Variants in XKR4 observed in about 807,000 individuals in gnomAD.
XKR4 encodes XK-related protein 4.
In XKR4, 12 loss-of-function variants were observed where a neutral mutation model predicts 53.9. The observed-to-expected ratio is 0.22, with a 90% confidence interval of 0.14 to 0.36. The LOEUF (loss-of-function observed/expected upper bound fraction) is 0.36. Ranked by LOEUF, XKR4 falls within the 10% of genes least tolerant of loss-of-function variation. XKR4 has a pLI of 1.00. For synonymous variants in XKR4, 354 were observed against 362.4 expected, an observed-to-expected ratio of 0.98 and a Z score of 0.26; for missense variants, 799 against 859.5, an observed-to-expected ratio of 0.93 and a Z score of 0.88.
At chr8:55,418,538 G>A (rs1333393136) in intron 2 of XKR4, among the ~76,000 whole-genome samples, 1 of 152,078 alleles carries the variant, frequency 6.6e-6, no homozygotes, top group African/African-American at 2.4e-5. Flanking sequence ...CTTTGCTCAG[G>A]TCCTGGTAGC....
chr8:55,126,527 A>G (rs897179405), intron 1 of XKR4, among the ~76,000 whole-genome samples: 1 of 152,230 alleles, frequency 6.6e-6, no homozygotes, highest in African/African-American at 2.4e-5. Flanking sequence ...AGTGGATGCA[A>G]AAAATACAAT....
chr8:55,185,661 C>T (rs1278748576), intron 1 of XKR4, among the ~76,000 whole-genome samples: 1 of 152,204 alleles, frequency 6.6e-6, no homozygotes, highest in Non-Finnish European at 1.5e-5. Context: ...CTTGCCATCA[C>T]TTTCTATAGC....
At chr8:55,484,295 A>G (rs570155816) in intron 2 of XKR4, among the ~76,000 whole-genome samples, 1 of 152,358 alleles carries the variant, frequency 6.6e-6, no homozygotes, top group South Asian at 2.1e-4. Context: ...CAGAGCATAG[A>G]AAAGGAAGAA....
At chr8:55,234,509 A>T (rs1214423349) in intron 1 of XKR4, among the ~76,000 whole-genome samples, 1 of 152,210 alleles carries the variant, frequency 6.6e-6, no homozygotes, top group African/African-American at 2.4e-5. Flanking sequence ...AGCAGACATT[A>T]CTAAATGTCT....
intron 1 of XKR4, among the ~76,000 whole-genome samples, chr8:55,126,891 C>T (rs1462422884): frequency 6.6e-6 from 1 of 152,116 alleles, no homozygotes; most frequent in Non-Finnish European, 1.5e-5. Flanking sequence ...GTACAAAAGC[C>T]CAAGTAATAA....
At chr8:55,241,792 T>C (rs1301895252) in intron 1 of XKR4, among the ~76,000 whole-genome samples, 2 of 152,174 alleles carry the variant, frequency 1.3e-5, no homozygotes, top group African/African-American at 2.4e-5. Flanking sequence ...TGAGATAATG[T>C]TCATAAAGTG....
chr8:55,516,295 G>A (rs940395226), intron 2 of XKR4, among the ~76,000 whole-genome samples: 1 of 152,162 alleles, frequency 6.6e-6, no homozygotes, highest in African/African-American at 2.4e-5. Flanking sequence ...GTGTTTGTTA[G>A]TTGGTTGGTT....
intron 1 of XKR4, among the ~76,000 whole-genome samples, chr8:55,172,815 T>A (rs780796221): frequency 3.9e-5 from 6 of 152,216 alleles, no homozygotes; most frequent in Non-Finnish European, 8.8e-5. Context: ...TGTTAGGGTA[T>A]CAGTGATTTA....
rs575575255 is a variant in XKR4, at chr8:55,375,758, T to G, written c.1006+17881T>G. Among the ~76,000 whole-genome samples the G allele has an allele frequency of 2.0e-5, 3 of 152,142 alleles. No individual in the cohort carries two copies. In the East Asian group the frequency reaches 5.8e-4, roughly 29 times the overall value. On this transcript the variant is annotated intron_variant, in intron 2 of 2. Transcript: ENST00000327381. ...TATTTTTTAAGTTCCAGGGTACACG[T>G]GCAGGATGTGCAGGTTTTTATACAG...
At chr8:55,396,500 A>T (rs1804521137) in intron 2 of XKR4, among the ~76,000 whole-genome samples, 1 of 139,792 alleles carries the variant, frequency 7.2e-6, no homozygotes, top group Admixed American at 7.7e-5. Context: ...AAGGGAAGAG[A>T]GGAATGTCAC....
intron 1 of XKR4, among the ~76,000 whole-genome samples, chr8:55,356,375 C>T (rs1353759653): frequency 1.3e-5 from 2 of 152,138 alleles, no homozygotes; most frequent in African/African-American, 4.8e-5. Context: ...ATGTTAACCA[C>T]ACCATGCAAA....
At chr8:55,289,696 A>G (rs965536232) in intron 1 of XKR4, among the ~76,000 whole-genome samples, 3 of 108,242 alleles carry the variant, frequency 2.8e-5, no homozygotes, top group Non-Finnish European at 4.4e-5. Flanking sequence ...AGAAAGAAAG[A>G]GAAAGAAAGA....
chr8:55,507,681 T>TAG (rs1806562514), intron 2 of XKR4, among the ~76,000 whole-genome samples: 1 of 152,132 alleles, frequency 6.6e-6, no homozygotes, highest in African/African-American at 2.4e-5. Flanking sequence ...CATGAACTCA[T>TAG]CATTTTTTAT....
At chr8:55,213,970 T>A (rs1419187693) in intron 1 of XKR4, among the ~76,000 whole-genome samples, 3 of 144,296 alleles carry the variant, frequency 2.1e-5, no homozygotes, top group African/African-American at 7.6e-5. Flanking sequence ...CAAGCAATTC[T>A]CCTGTTTGAG....
chr8:55,146,761 G>A (rs945519748), intron 1 of XKR4, among the ~76,000 whole-genome samples: 1 of 152,188 alleles, frequency 6.6e-6, no homozygotes, highest in Non-Finnish European at 1.5e-5. Flanking sequence ...AATTTCTCAA[G>A]GTGAAACGTT....
chr8:55,333,532 T>G (rs1471088718), intron 1 of XKR4, among the ~76,000 whole-genome samples: 1 of 152,162 alleles, frequency 6.6e-6, no homozygotes, highest in African/African-American at 2.4e-5. Flanking sequence ...GTTTCACCCC[T>G]TTTCTTTCTC....
At chr8:55,160,071 T>A (rs1476893571) in intron 1 of XKR4, among the ~76,000 whole-genome samples, 15 of 152,184 alleles carry the variant, frequency 9.9e-5, no homozygotes, top group Non-Finnish European at 2.2e-4. Context: ...TAGAGAATTG[T>A]CTAGGAAAGT....
chr8:55,418,784 T>C (rs574840776), intron 2 of XKR4, among the ~76,000 whole-genome samples: 1 of 152,318 alleles, frequency 6.6e-6, no homozygotes, highest in South Asian at 2.1e-4. Context: ...TCCTGACACC[T>C]GTCCAGCTCC....
At chr8:55,252,824 A>C (rs1563493747) in intron 1 of XKR4, among the ~76,000 whole-genome samples, 1 of 152,184 alleles carries the variant, frequency 6.6e-6, no homozygotes, top group Non-Finnish European at 1.5e-5. Context: ...TTCTTTGTCC[A>C]GTGGGAGAGG....
Sources: gnomAD v4.1 joint callset for allele counts (sites outside exome capture counted in the v4.1 genomes callset) on GRCh38, gnomAD v4.1.1 for gene constraint, MANE v1.5 for transcripts, NCBI Gene and HGNC (gene_info 2026-07-23, HGNC 2026-07-21) for gene names.